Variants in XRCC5 observed in about 807,000 individuals in gnomAD.
The protein encoded by XRCC5 is X-ray repair cross complementing 5.
In XRCC5, 12 loss-of-function variants were observed where a neutral mutation model predicts 95.7. The ratio of observed to expected loss-of-function variants is 0.13; its 90% CI spans 0.08 to 0.20. XRCC5 has a LOEUF of 0.20. Ranked by LOEUF, XRCC5 falls within the 10% of genes least tolerant of loss-of-function variation. The pLI, the probability that XRCC5 is intolerant of heterozygous loss-of-function variation, is 1.00. For missense variants in XRCC5, 595 were observed against 873.9 expected, an observed-to-expected ratio of 0.68 and a Z score of 4.02; for synonymous variants, 281 against 290.3, an observed-to-expected ratio of 0.97 and a Z score of 0.33.
intron 16 of XRCC5, among the ~76,000 whole-genome samples, chr2:216,184,553 T>G (rs1390417590): frequency 1.3e-5 from 2 of 152,190 alleles, no homozygotes; most frequent in Admixed American, 6.5e-5. Context: ...CTTGGCCCAC[T>G]GCAACTTCTG....
intron 16 of XRCC5, among the ~76,000 whole-genome samples, chr2:216,166,955 C>T (rs3770507): frequency 0.34 from 51,202 of 151,912 alleles, 10,665 homozygotes; most frequent in African/African-American, 0.59. Context: ...TATAATGAGA[C>T]GATTCTCTTT....
chr2:216,187,786 G>GAC (rs149998611), intron 16 of XRCC5, among the ~76,000 whole-genome samples: 1,088 of 64,428 alleles, frequency 0.017, 39 homozygotes, highest in African/African-American at 0.042. Flanking sequence ...ATGAACTCCT[G>GAC]ACACACACAC....
chr2:216,173,824 G>A (rs1689217778), intron 16 of XRCC5, among the ~76,000 whole-genome samples: 1 of 152,108 alleles, frequency 6.6e-6, no homozygotes, highest in Admixed American at 6.6e-5. Context: ...TCTGATGTGG[G>A]GTGGTCTCCT....
chr2:216,194,175 AGG>A (rs1396477270), intron 18 of XRCC5, among the ~76,000 whole-genome samples: 2 of 152,264 alleles, frequency 1.3e-5, no homozygotes, highest in Admixed American at 1.3e-4. Flanking sequence ...TAACGTCCAT[AGG>A]TTCTTGAAAA....
In XRCC5 at chr2:216,190,213, C is replaced by A; in HGVS notation, c.1835-12C>A. The A allele has an allele frequency of 1.9e-6, 3 of 1,611,682 alleles. No homozygotes were observed. The South Asian group carries it at 3.3e-5, about 18-fold the overall frequency. ...ACTCAAATCTAAGAAAATTTGTTGT[C>A]TTATGTTTTAGCGAGTAACCAGCTC... On this transcript the variant is annotated splice_polypyrimidine_tract_variant and intron_variant, in intron 16 of 20. Coordinates refer to ENST00000392132, the MANE Select transcript of XRCC5 (RefSeq NM_021141.4).
chr2:216,131,398 A>G (rs984908154), intron 9 of XRCC5, among the ~76,000 whole-genome samples: 3 of 152,224 alleles, frequency 2.0e-5, no homozygotes, highest in Non-Finnish European at 4.4e-5. Flanking sequence ...AGCACATTGC[A>G]TGTTCTTGAA....
intron 14 of XRCC5, among the ~76,000 whole-genome samples, chr2:216,149,347 A>G (rs897445420): frequency 6.6e-6 from 1 of 152,138 alleles, no homozygotes; most frequent in African/African-American, 2.4e-5. Flanking sequence ...CCCGCCCCCC[A>G]TAAGACCATC....
chr2:216,152,189 C>A (rs1413093308), intron 14 of XRCC5, among the ~76,000 whole-genome samples: 2 of 152,162 alleles, frequency 1.3e-5, no homozygotes, highest in Non-Finnish European at 2.9e-5. Context: ...GTAATCCCAG[C>A]ACTTTGGGAG....
intron 19 of XRCC5, among the ~76,000 whole-genome samples, chr2:216,202,081 T>C (rs1046172329): frequency 1.3e-5 from 2 of 152,210 alleles, no homozygotes; most frequent in South Asian, 4.1e-4. Flanking sequence ...CTTAAGTATA[T>C]ATACCATGGT....
intron 1 of XRCC5, among the ~76,000 whole-genome samples, chr2:216,112,560 ACTT>A (rs1260584593): frequency 6.6e-6 from 1 of 152,238 alleles, no homozygotes; most frequent in Non-Finnish European, 1.5e-5. Context: ...TCTAGCAGTC[ACTT>A]CTTGTGACAA....
intron 20 of XRCC5, 114 bp from the exon 21 acceptor site, chr2:216,205,074 A>C: frequency 4.0e-6 from 5 of 1,241,536 alleles, no homozygotes; most frequent in Non-Finnish European, 5.9e-6. Context: ...TAAATGAGCA[A>C]GTACATGCAT....
At chr2:216,121,571 C>T (rs1036847958) in intron 5 of XRCC5, among the ~76,000 whole-genome samples, 7 of 151,952 alleles carry the variant, frequency 4.6e-5, no homozygotes, top group African/African-American at 1.2e-4. Flanking sequence ...TTTTTAAGGT[C>T]GCTAATTCCA....
rs922276864 is a variant in XRCC5, at chr2:216,138,034, A to G, written c.1252-55A>G. 4 of 1,450,552 alleles carry G rather than the reference A, an allele frequency of 2.8e-6. No individual in the cohort carries two copies. In the Admixed American group the frequency reaches 7.8e-5, roughly 28 times the overall value. 89.9% of individuals were successfully genotyped at this position (1,450,552 alleles called of 1,614,324 possible). ...TTTCACAGAATTTGGGATCAGTTTT[A>G]TATTTTTTCATTAATTTCATCGTTT... On this transcript the variant is annotated intron_variant, in intron 11 of 20. Coordinates refer to ENST00000392132, the MANE Select transcript of XRCC5 (RefSeq NM_021141.4).
chr2:216,131,740 A>G (rs1163275472), intron 9 of XRCC5, among the ~76,000 whole-genome samples: 7 of 152,172 alleles, frequency 4.6e-5, no homozygotes, highest in Non-Finnish European at 8.8e-5. Flanking sequence ...AGGAGACTTC[A>G]TCATCTGATC....
chr2:216,148,311 G>A, intron 14 of XRCC5, 35 bp downstream of exon 14: 1 of 1,569,224 alleles, frequency 6.4e-7, no homozygotes, highest in Non-Finnish European at 8.6e-7. Flanking sequence ...TAACATTGGG[G>A]TACATAAGAG....
At chr2:216,198,001 G>A (rs776807804) in intron 19 of XRCC5, among the ~76,000 whole-genome samples, 1 of 152,046 alleles carries the variant, frequency 6.6e-6, no homozygotes, top group Non-Finnish European at 1.5e-5. Flanking sequence ...TCCAACTCCC[G>A]AACCAAAGAG....
rs1689925288 is a variant in XRCC5 at position 216,205,380 on chromosome 2, A to G, written c.*178A>G. 2 of 689,284 alleles carry G rather than the reference A, an allele frequency of 2.9e-6. No individual in the cohort carries two copies. The highest frequency in any genetic ancestry group is 5.1e-6 in the Non-Finnish European group (2 of 389,902). The allele number at this position is 689,284 out of a possible 1,614,324, so 42.7% of individuals were successfully genotyped here. Reference sequence around the variant, plus strand: ...AATGAATACACACATATATATTACAAGGGATAATTTAGACCCCATACAAGT... The same window carrying G: ...AATGAATACACACATATATATTACAGGGGATAATTTAGACCCCATACAAGT... On this transcript the variant is annotated 3_prime_UTR_variant, in exon 21 of 21. Transcript: ENST00000392132.
chr2:216,187,817 ACACACT>A (rs1429270699), intron 16 of XRCC5, among the ~76,000 whole-genome samples: 702 of 59,014 alleles, frequency 0.012, 4 homozygotes, highest in East Asian at 0.034. Context: ...ACACACACAC[ACACACT>A]CTCTCTCTCT....
At position 216,137,072 on chromosome 2, in the gene XRCC5, C is replaced by T. The variant is rs1187819247; in HGVS notation, c.1114-16C>T. ...ACATGTTGAATATGTGTTAATACAT[C>T]CATCTTTCTTACCAGGCAGCTGCAG... On this transcript the variant is annotated splice_polypyrimidine_tract_variant and intron_variant, in intron 10 of 20. Coordinates refer to ENST00000392132, the MANE Select transcript of XRCC5 (RefSeq NM_021141.4). The T allele has an allele frequency of 1.2e-6, 2 of 1,610,484 alleles. No homozygotes were observed. The highest frequency in any genetic ancestry group is 2.2e-5 in the East Asian group (1 of 44,798).
Sources: allele counts gnomAD v4.1 joint callset (sites outside exome capture counted in the v4.1 genomes callset), GRCh38; gene constraint gnomAD v4.1.1; transcripts MANE v1.5; gene names NCBI Gene and HGNC (gene_info 2026-07-23, HGNC 2026-07-21).